Variants in WWOX observed in about 807,000 individuals in gnomAD.
WWOX encodes WW domain-containing oxidoreductase.
Under a neutral mutation model 46.2 loss-of-function variants are expected in WWOX, and 69 were observed. The observed-to-expected ratio is 1.49, with a 90% CI of 1.23 to 1.82. The LOEUF (loss-of-function observed/expected upper bound fraction) is 1.82, where lower values mean the gene tolerates loss of function less well. Ranked by LOEUF, WWOX falls within the 40% of genes most tolerant of loss-of-function variation. The pLI, the probability that WWOX is intolerant of heterozygous loss-of-function variation, is 0.00. For missense variants in WWOX, 919 were observed against 542.6 expected (o/e 1.69, Z -6.89); for synonymous variants, 359 against 202.6 (o/e 1.77, Z -6.56).
intron 4 of WWOX, among the ~76,000 whole-genome samples, chr16:78,144,486 TACACAC>T (rs1215643920): frequency 1.5e-4 from 3 of 19,862 alleles, no homozygotes; most frequent in African/African-American, 3.6e-4. Flanking sequence ...TATATATATA[TACACAC>T]ACACACACAT....
chr16:78,272,956 C>T (rs562910906), intron 5 of WWOX, among the ~76,000 whole-genome samples: 1 of 152,218 alleles, frequency 6.6e-6, no homozygotes, highest in South Asian at 2.1e-4. Flanking sequence ...GTCTCATTTC[C>T]AAAATCTGGG....
At chr16:78,788,796 A>T (rs181721092) in intron 8 of WWOX, among the ~76,000 whole-genome samples, 2 of 152,118 alleles carry the variant, frequency 1.3e-5, no homozygotes, top group Non-Finnish European at 2.9e-5. Flanking sequence ...CTGACTTGCT[A>T]TTGGTGTCTG....
chr16:79,156,950 A>T (rs2050393862), intron 8 of WWOX, among the ~76,000 whole-genome samples: 1 of 152,234 alleles, frequency 6.6e-6, no homozygotes, highest in Non-Finnish European at 1.5e-5. Flanking sequence ...CATCAGAAGA[A>T]TGAGGTTCTT....
chr16:78,174,650 A>G (rs1203530539), intron 5 of WWOX, among the ~76,000 whole-genome samples: 2 of 152,214 alleles, frequency 1.3e-5, no homozygotes, highest in East Asian at 3.9e-4. Context: ...ACTGGGAAGT[A>G]GCCACTTCTT....
rs941686935 is a variant in WWOX at position 78,464,116 on chromosome 16, A to G, written c.1056+31364A>G. ...ACCTGGGAAGGGCTCTGACCCATTC[A>G]TCTGAGAGATGTGGCATGAGGAACA... On this transcript the variant is annotated intron_variant, in intron 8 of 8. Transcript: ENST00000566780. 5.3e-5 allele frequency among the ~76,000 whole-genome samples: 8 copies of G among 152,262 alleles called. No homozygotes were observed. The East Asian group carries it at 1.2e-3, about 22-fold the overall frequency.
At chr16:79,021,251 T>C (rs1279009720) in intron 8 of WWOX, among the ~76,000 whole-genome samples, 1 of 152,190 alleles carries the variant, frequency 6.6e-6, no homozygotes, top group Non-Finnish European at 1.5e-5. Flanking sequence ...TTTGACATTC[T>C]TGGAATATTT....
chr16:78,582,325 A>G (rs2045079365), intron 8 of WWOX, among the ~76,000 whole-genome samples: 1 of 152,240 alleles, frequency 6.6e-6, no homozygotes, highest in African/African-American at 2.4e-5. Context: ...TTACTGTTGA[A>G]TATAGATAAA....
At chr16:78,905,009 C>T (rs143345622) in intron 8 of WWOX, among the ~76,000 whole-genome samples, 4 of 152,290 alleles carry the variant, frequency 2.6e-5, no homozygotes, top group African/African-American at 9.6e-5. Context: ...GTTATTATAA[C>T]TACAGAAAAT....
chr16:78,908,475 G>C (rs1285678872), intron 8 of WWOX, among the ~76,000 whole-genome samples: 1 of 151,622 alleles, frequency 6.6e-6, no homozygotes, highest in African/African-American at 2.4e-5. Flanking sequence ...GGGAGGCAGA[G>C]GCTGCAGTGA....
intron 8 of WWOX, among the ~76,000 whole-genome samples, chr16:78,628,940 A>G (rs1283228722): frequency 6.6e-6 from 1 of 152,052 alleles, no homozygotes; most frequent in Non-Finnish European, 1.5e-5. Flanking sequence ...TATTTAGGAG[A>G]TGTTTCCGTT....
intron 8 of WWOX, among the ~76,000 whole-genome samples, chr16:78,857,461 T>G (rs1254783234): frequency 6.6e-6 from 1 of 152,176 alleles, no homozygotes; most frequent in Non-Finnish European, 1.5e-5. Context: ...ATGATGTAAT[T>G]CACAGCCTCA....
chr16:78,698,462 C>G (rs950728450), intron 8 of WWOX, among the ~76,000 whole-genome samples: 6 of 152,136 alleles, frequency 3.9e-5, no homozygotes, highest in African/African-American at 1.4e-4. Context: ...GCTTTTAATT[C>G]CAACTTGCAT....
intron 5 of WWOX, among the ~76,000 whole-genome samples, chr16:78,223,323 A>G (rs1037606761): frequency 2.0e-5 from 3 of 152,158 alleles, no homozygotes; most frequent in African/African-American, 4.8e-5. Flanking sequence ...GGCGCATCCT[A>G]CAACAGAGAA....
At position 79,101,979 on chromosome 16, in the gene WWOX, C is replaced by G. The variant is rs376896282; in HGVS notation, c.1057-109629C>G. ...AGTTACCTGAAGTTGACACTTAATTCAAGCTGCATCATCTTCCTCCTCCCA... is the reference window on the plus strand; with the variant it reads ...AGTTACCTGAAGTTGACACTTAATTGAAGCTGCATCATCTTCCTCCTCCCA... On this transcript the variant is annotated intron_variant, in intron 8 of 8. Coordinates refer to ENST00000566780, the MANE Select transcript of WWOX (RefSeq NM_016373.4). 1.2e-4 allele frequency among the ~76,000 whole-genome samples: 17 copies of G among 146,586 alleles called. 2 individuals carry two copies. Among genetic ancestry groups the G allele is most frequent in the African/African-American group, 4.0e-4 (16 of 39,564 alleles).
At chr16:78,413,456 C>T (rs80271093) in intron 6 of WWOX, among the ~76,000 whole-genome samples, 5,446 of 152,080 alleles carry the variant, frequency 0.036, 294 homozygotes, top group African/African-American at 0.12. Flanking sequence ...TTTGGGGCAG[C>T]GGGTGGATCT....
chr16:79,134,359 C>T (rs980610912), intron 8 of WWOX, among the ~76,000 whole-genome samples: 2 of 152,050 alleles, frequency 1.3e-5, no homozygotes, highest in Non-Finnish European at 2.9e-5. Flanking sequence ...TAAGAAAGTA[C>T]ACTGTAAGGT....
chr16:78,989,148 C>T (rs2151344329), intron 8 of WWOX, among the ~76,000 whole-genome samples: 1 of 152,150 alleles, frequency 6.6e-6, no homozygotes, highest in African/African-American at 2.4e-5. Flanking sequence ...TCTGAAGATG[C>T]TGAACCCTTA....
In WWOX at chr16:78,751,459, TTTTATATA is replaced by T. The variant is rs1365783811; in HGVS notation, c.1056+318709_1056+318716del. On this transcript the variant is annotated intron_variant, in intron 8 of 8. Transcript: ENST00000566780. Reference sequence around the variant, plus strand: ...TCAGATTATATATATATTTATCAGATTTTATATATATATATATATATATATATATGCAT... The same window carrying T: ...TCAGATTATATATATATTTATCAGATTATATATATATATATATATATGCAT... 8.4e-3 allele frequency among the ~76,000 whole-genome samples: 524 copies of T among 62,558 alleles called. 1 individual carries two copies. Among genetic ancestry groups the T allele is most frequent in the African/African-American group, 0.032 (491 of 15,526 alleles). The allele number at this position is 62,558 out of a possible 152,430, so 41.0% of individuals were successfully genotyped here. A position where few individuals can be genotyped will look rare whatever the true frequency, so the allele number is the denominator to read the frequency against.
intron 8 of WWOX, among the ~76,000 whole-genome samples, chr16:79,122,124 G>A (rs926868102): frequency 2.0e-5 from 3 of 152,152 alleles, no homozygotes; most frequent in South Asian, 2.1e-4. Flanking sequence ...GTTCCACCTC[G>A]GAGCGCGTGG....
Sources: allele counts gnomAD v4.1 joint callset (sites outside exome capture counted in the v4.1 genomes callset), GRCh38; gene constraint gnomAD v4.1.1; transcripts MANE v1.5; gene names NCBI Gene and HGNC (gene_info 2026-07-23, HGNC 2026-07-21).